The following DHTKD1 variants were observed in gnomAD, a reference collection of about 807,000 sequenced individuals.
The protein encoded by DHTKD1 is dehydrogenase E1 and transketolase domain containing 1.
In DHTKD1, 78 loss-of-function variants were observed where a neutral mutation model predicts 101.8. That is an observed-to-expected ratio of 0.77 (90% CI 0.64 to 0.93). The LOEUF is 0.93. Among genes scored for constraint, DHTKD1 ranks in the 40% least tolerant of loss-of-function variants. DHTKD1 has a pLI of 0.00. For synonymous variants in DHTKD1, 462 were observed against 450.3 expected, an observed-to-expected ratio of 1.03 and a Z score of -0.33; for missense variants, 1,223 against 1,161.7, an observed-to-expected ratio of 1.05 and a Z score of -0.77.
intron 12 of DHTKD1, among the ~76,000 whole-genome samples, chr10:12,112,055 C>T (rs1446373316): frequency 7.9e-6 from 1 of 126,990 alleles, no homozygotes; most frequent in African/African-American, 2.5e-5. Flanking sequence ...TGGCTCATGC[C>T]TGTAATCCCA....
chr10:12,101,941 C>T (rs1833176645), intron 10 of DHTKD1, among the ~76,000 whole-genome samples: 1 of 152,120 alleles, frequency 6.6e-6, no homozygotes, highest in Non-Finnish European at 1.5e-5. Flanking sequence ...CCTCTGTGCC[C>T]TCTGTAGTGC....
At chr10:12,088,875 A>T (rs1335723508) in intron 4 of DHTKD1, 111 bp from the exon 5 acceptor site, 7 of 1,002,824 alleles carry the variant, frequency 7.0e-6, no homozygotes, top group Non-Finnish European at 1.0e-5. Context: ...ATAAGCCACC[A>T]CTCCTGGCTT....
At chr10:12,099,158 A>C (rs528491620) in intron 8 of DHTKD1, among the ~76,000 whole-genome samples, 22 of 152,138 alleles carry the variant, frequency 1.4e-4, no homozygotes, top group Middle Eastern at 3.4e-3. Flanking sequence ...TGACAGAATA[A>C]GATCCTGTTT....
At position 12,103,186 on chromosome 10, in the gene DHTKD1, C is replaced by T. The variant is rs980568107; in HGVS notation, c.1896+2005C>T. Among the ~76,000 whole-genome samples, 2 of 152,198 alleles carry T rather than the reference C, an allele frequency of 1.3e-5. No homozygotes were observed. The highest frequency in any genetic ancestry group is 3.9e-4 in the East Asian group (2 of 5,120). On this transcript the variant is annotated intron_variant, in intron 10 of 16. Coordinates refer to ENST00000263035, the MANE Select transcript of DHTKD1 (RefSeq NM_018706.7). The surrounding 1 kb of genome is among the most constrained non-coding windows in gnomAD (Gnocchi z 4.8). ...AGTGAGCGGAGATCATACCACTGCCCTCCAGTTTGGGCAACAGAGCAAGAC... is the reference window on the plus strand; with the variant it reads ...AGTGAGCGGAGATCATACCACTGCCTTCCAGTTTGGGCAACAGAGCAAGAC...
At position 12,107,373 on chromosome 10, in the gene DHTKD1, A is replaced by G. The variant is rs1011049725; in HGVS notation, c.2048-536A>G. Among the ~76,000 whole-genome samples, 6 of 151,364 alleles carry G rather than the reference A, an allele frequency of 4.0e-5. No individual in the cohort carries two copies. Among genetic ancestry groups the G allele is most frequent in the African/African-American group, 1.5e-4 (6 of 41,176 alleles). ...AGGAAGCTGGGAACGTTCCCCTTTG[A>G]GTTTGTCTTCCACTCGTAAAAGCCC... On this transcript the variant is annotated intron_variant, in intron 11 of 16. Transcript: ENST00000263035. This position sits in a 1 kb window ranked among gnomAD's most constrained non-coding sequence, Gnocchi z 4.1.
chr10:12,089,473 G>T (rs932212004), intron 5 of DHTKD1, among the ~76,000 whole-genome samples: 2 of 152,076 alleles, frequency 1.3e-5, no homozygotes, highest in East Asian at 3.9e-4. Flanking sequence ...TGTTTTCCTT[G>T]CATGGCTTAT....
chr10:12,116,399 T>A (rs1420398826), intron 13 of DHTKD1: 1 of 150,992 alleles, frequency 6.6e-6, no homozygotes, highest in Non-Finnish European at 1.5e-5. Flanking sequence ...TCTTTTTACT[T>A]TTTTTTTTTC....
intron 2 of DHTKD1, among the ~76,000 whole-genome samples, chr10:12,082,772 T>C (rs1202196793): frequency 6.6e-6 from 1 of 152,134 alleles, no homozygotes; most frequent in African/African-American, 2.4e-5. Context: ...TGATGCATCT[T>C]AACTTCCTCA....
At chr10:12,078,744 A>G (rs1832770900) in intron 1 of DHTKD1, among the ~76,000 whole-genome samples, 1 of 152,120 alleles carries the variant, frequency 6.6e-6, no homozygotes, top group African/African-American at 2.4e-5. Flanking sequence ...CAGTGGCACC[A>G]TCTCGGCTCA....
chr10:12,105,123 G>T (rs1043990340), intron 10 of DHTKD1, among the ~76,000 whole-genome samples: 5 of 151,980 alleles, frequency 3.3e-5, no homozygotes, highest in African/African-American at 1.2e-4. Flanking sequence ...GCCTCCCAAA[G>T]TGCTGGGATT....
At chr10:12,076,883 C>T (rs1266070492) in intron 1 of DHTKD1, among the ~76,000 whole-genome samples, 2 of 150,366 alleles carry the variant, frequency 1.3e-5, no homozygotes, top group Non-Finnish European at 3.0e-5. Context: ...GTCTCGATCT[C>T]CTGACCTTGT....
rs370218003 is a variant in DHTKD1 at position 12,097,744 on chromosome 10, G to A, written c.1419G>A (p.Thr473=). 119 of 1,614,004 alleles carry A rather than the reference G, an allele frequency of 7.4e-5. No homozygotes were observed. Among genetic ancestry groups the A allele is most frequent in the Middle Eastern group, 4.9e-4 (3 of 6,084 alleles). ...AEHLIAGGLM[T]QEEVSEIKSS... is the part of the protein sequence containing the mutation. ...ACCTCATTGCTGGCGGACTCATGAC[G>A]CAGGAGGAGGTGTCTGAAATAAAAT... Residue 473 remains threonine, a synonymous_variant, in exon 8 of 17, where the codon ACG becomes ACA. Coordinates refer to ENST00000263035, the MANE Select transcript of DHTKD1 (RefSeq NM_018706.7).
chr10:12,118,497 C>G (rs1833456769), intron 14 of DHTKD1, among the ~76,000 whole-genome samples: 1 of 151,684 alleles, frequency 6.6e-6, no homozygotes, highest in Non-Finnish European at 1.5e-5. Context: ...ATTCTCCTGC[C>G]TTAGCCTCCC....
At chr10:12,070,914 C>A (rs1034939879) in intron 1 of DHTKD1, among the ~76,000 whole-genome samples, 1 of 152,196 alleles carries the variant, frequency 6.6e-6, no homozygotes, top group African/African-American at 2.4e-5. Flanking sequence ...AATGAACATA[C>A]GCTCCTGAGC....
intron 15 of DHTKD1, 43 bp from the exon 16 acceptor site, chr10:12,120,139 C>T (rs1833501093): frequency 1.4e-6 from 2 of 1,477,364 alleles, no homozygotes; most frequent in East Asian, 4.5e-5. Context: ...GGACCGTCTG[C>T]ATGTGTCTAC....
At chr10:12,100,298 T>TTGTTTTTTTTTTC in intron 9 of DHTKD1, 36 bp downstream of exon 9, 1 of 910,852 alleles carries the variant, frequency 1.1e-6, no homozygotes, top group Non-Finnish European at 1.6e-6. Flanking sequence ...TTTTTTTTTT[T>TTGTTTTTTTTTTC]TTTGAGTCTC....
rs905077090 is a variant in DHTKD1 at position 12,107,664 on chromosome 10, C to T, written c.2048-245C>T. On this transcript the variant is annotated intron_variant, in intron 11 of 16. Coordinates refer to ENST00000263035, the MANE Select transcript of DHTKD1 (RefSeq NM_018706.7). This position sits in a 1 kb window ranked among gnomAD's most constrained non-coding sequence, Gnocchi z 4.1. ...AACACCTGACCTCAAGTGATCTATCCGCCTCAGCCTCCCAAAGTGCTGGGA... is the reference window on the plus strand; with the variant it reads ...AACACCTGACCTCAAGTGATCTATCTGCCTCAGCCTCCCAAAGTGCTGGGA... Among the ~76,000 whole-genome samples the T allele has an allele frequency of 2.0e-5, 3 of 152,036 alleles. No homozygotes were observed. Among genetic ancestry groups the T allele is most frequent in the South Asian group, 2.1e-4 (1 of 4,828 alleles).
At chr10:12,102,559 A>T (rs1448201467) in intron 10 of DHTKD1, among the ~76,000 whole-genome samples, 4 of 152,034 alleles carry the variant, frequency 2.6e-5, no homozygotes, top group Non-Finnish European at 5.9e-5. Flanking sequence ...GCCAAACTAG[A>T]TACTGAAATG....
At chr10:12,114,626 A>C (rs956184264) in intron 13 of DHTKD1, among the ~76,000 whole-genome samples, 1 of 151,678 alleles carries the variant, frequency 6.6e-6, no homozygotes, top group African/African-American at 2.4e-5. Context: ...ATTTATTTGG[A>C]TATGACTGCT....
Sources: gnomAD v4.1 joint callset for allele counts (sites outside exome capture counted in the v4.1 genomes callset) on GRCh38, gnomAD v4.1.1 for gene constraint, Gnocchi (gnomAD v3.1) non-coding constraint, MANE v1.5 for transcripts, NCBI Gene and HGNC (gene_info 2026-07-23, HGNC 2026-07-21) for gene names.